The following LRRC37A2 variants were observed in gnomAD, a reference collection of about 807,000 sequenced individuals.
LRRC37A2 encodes the protein leucine-rich repeat-containing protein 37A2.
In LRRC37A2, 9 loss-of-function variants were observed where a neutral mutation model predicts 68.8. The observed-to-expected ratio is 0.13, with a 90% CI of 0.08 to 0.23. The LOEUF (loss-of-function observed/expected upper bound fraction) is 0.23, where lower values mean the gene tolerates loss of function less well. Ranked by LOEUF, LRRC37A2 falls within the 10% of genes least tolerant of loss-of-function variation. The pLI is 1.00. For synonymous variants in LRRC37A2, 63 were observed against 367.6 expected (o/e 0.17, Z 9.48); for missense variants, 168 against 950.4 (o/e 0.18, Z 10.82).
the LRRC37A2 span, chr17:46,934,919 A>C: frequency 1.0e-6 from 1 of 964,054 alleles, no homozygotes; most frequent in African/African-American, 1.6e-5. Flanking sequence ...TGATTCTTTC[A>C]CCAGCCCCTC....
At chr17:47,027,206 GGCCCGACTATTT>G in the LRRC37A2 span, among the ~76,000 whole-genome samples, 1 of 151,970 alleles carries the variant, frequency 6.6e-6, no homozygotes, top group East Asian at 1.9e-4. Context: ...CACCGCACCC[GGCCCGACTATTT>G]TTTTTAATAT....
chr17:46,936,525 A>C, the LRRC37A2 span: 1 of 985,488 alleles, frequency 1.0e-6, no homozygotes, highest in Non-Finnish European at 1.2e-6. Context: ...CCTGCCTCAC[A>C]CCCTGCCTCC....
the LRRC37A2 span, among the ~76,000 whole-genome samples, chr17:46,811,110 G>A: frequency 6.6e-6 from 1 of 152,058 alleles, no homozygotes; most frequent in Non-Finnish European, 1.5e-5. Context: ...GGCTGTACAG[G>A]CCAGGCTGCA....
At chr17:46,394,556 C>A in the LRRC37A2 span, among the ~76,000 whole-genome samples, 1 of 57,318 alleles carries the variant, frequency 1.7e-5, no homozygotes. Flanking sequence ...CATCATAGTC[C>A]ATAGGGAATT....
the LRRC37A2 span, among the ~76,000 whole-genome samples, chr17:46,791,528 A>C: frequency 6.6e-6 from 1 of 152,050 alleles, no homozygotes; most frequent in Non-Finnish European, 1.5e-5. Flanking sequence ...TTCTGACCAG[A>C]AATGGTCCAC....
the LRRC37A2 span, chr17:47,028,294 A>G: frequency 2.7e-6 from 4 of 1,504,452 alleles, no homozygotes; most frequent in South Asian, 2.3e-5. Context: ...CTTAGTTGCA[A>G]TGTAATTACA....
At chr17:46,909,400 AAGG>A in the LRRC37A2 span, among the ~76,000 whole-genome samples, 2 of 152,246 alleles carry the variant, frequency 1.3e-5, no homozygotes, top group Non-Finnish European at 2.9e-5. Context: ...AAAATGGAAA[AAGG>A]AGCAGAGGAA....
the LRRC37A2 span, among the ~76,000 whole-genome samples, chr17:46,715,539 C>T: frequency 6.6e-6 from 1 of 152,252 alleles, no homozygotes. Flanking sequence ...TAAATTACTC[C>T]ATTGCTTTCC....
chr17:46,712,121 C>T, the LRRC37A2 span, among the ~76,000 whole-genome samples: 47 of 152,188 alleles, frequency 3.1e-4, no homozygotes, highest in African/African-American at 6.3e-4. Context: ...TGGTTAGAAG[C>T]AGTTGGATTA....
chr17:46,950,290 C>T, the LRRC37A2 span, among the ~76,000 whole-genome samples: 3 of 152,184 alleles, frequency 2.0e-5, no homozygotes, highest in African/African-American at 7.2e-5. Flanking sequence ...AGTGTGGACT[C>T]TCTGCCTCTT....
chr17:46,936,800 A>G, the LRRC37A2 span: 3 of 984,336 alleles, frequency 3.0e-6, no homozygotes, highest in Non-Finnish European at 3.6e-6. Flanking sequence ...ATACAAATAC[A>G]TTTCTCTGAT....
At chr17:46,495,136 CAG>C in the LRRC37A2 span, among the ~76,000 whole-genome samples, 1 of 147,226 alleles carries the variant, frequency 6.8e-6, no homozygotes. Context: ...TTGCTGCAAA[CAG>C]ATTTTATTTT....
chr17:46,437,684 C>T, the LRRC37A2 span, among the ~76,000 whole-genome samples: 2 of 150,662 alleles, frequency 1.3e-5, no homozygotes, highest in African/African-American at 4.9e-5. Context: ...AATTTATCCT[C>T]GATGATATGA....
At chr17:46,909,576 C>T in the LRRC37A2 span, among the ~76,000 whole-genome samples, 1 of 152,240 alleles carries the variant, frequency 6.6e-6, no homozygotes, top group African/African-American at 2.4e-5. Flanking sequence ...GCTCTAGCCA[C>T]GTTTCAAGTA....
At chr17:46,392,260 G>A in the LRRC37A2 span, among the ~76,000 whole-genome samples, 2 of 65,668 alleles carry the variant, frequency 3.0e-5, 1 homozygote, top group African/African-American at 1.0e-4. Flanking sequence ...CACCCAGTCT[G>A]GAATGCAGTG....
At chr17:46,919,856 A>T in the LRRC37A2 span, among the ~76,000 whole-genome samples, 1 of 152,158 alleles carries the variant, frequency 6.6e-6, no homozygotes, top group Non-Finnish European at 1.5e-5. Flanking sequence ...CTGAGGCAGG[A>T]GAATTGCTTG....
the LRRC37A2 span, among the ~76,000 whole-genome samples, chr17:47,026,802 G>T: frequency 6.6e-6 from 1 of 152,138 alleles, no homozygotes; most frequent in African/African-American, 2.4e-5. Context: ...AGGTAAAGGG[G>T]TAGCTTCCTT....
the LRRC37A2 span, among the ~76,000 whole-genome samples, chr17:46,993,862 A>G: frequency 5.3e-5 from 8 of 151,394 alleles, no homozygotes; most frequent in East Asian, 1.4e-3. Context: ...GAGTGTTCCC[A>G]TTTCCCAGAT....
the LRRC37A2 span, chr17:46,936,470 CTG>C: frequency 4.1e-6 from 4 of 985,342 alleles, no homozygotes; most frequent in Non-Finnish European, 4.8e-6. Context: ...TAACTTTCCT[CTG>C]CACACCTGTG....
Sources: allele counts gnomAD v4.1 joint callset (sites outside exome capture counted in the v4.1 genomes callset), GRCh38; gene constraint gnomAD v4.1.1; transcripts MANE v1.5; gene names NCBI Gene and HGNC (gene_info 2026-07-23, HGNC 2026-07-21).